The following AFAP1L2 variants were observed in gnomAD, a reference collection of about 807,000 sequenced individuals.
AFAP1L2 encodes actin filament associated protein 1 like 2.
AFAP1L2 carries 46 observed loss-of-function variants against 99.3 expected under a neutral mutation model. That is an observed-to-expected ratio of 0.46 (90% CI 0.37 to 0.59). The LOEUF (loss-of-function observed/expected upper bound fraction) is 0.59, where lower values mean the gene tolerates loss of function less well. AFAP1L2 is among the 20% of genes least tolerant of loss of function. AFAP1L2 has a pLI of 0.00. For missense variants in AFAP1L2, 959 were observed against 1,034.9 expected, an observed-to-expected ratio of 0.93 and a Z score of 1.01; for synonymous variants, 397 against 419.1, an observed-to-expected ratio of 0.95 and a Z score of 0.64.
At position 114,307,930 on chromosome 10, in the gene AFAP1L2, G is replaced by A. The variant is rs751972182; in HGVS notation, c.968-21C>T. The stretch of plus-strand genomic sequence containing the variant: ...CTTGACTGTCAAGATGAGACAGAAA[G>A]CAATTCGTATTGCACGTGGTCCACC... On this transcript the variant is annotated intron_variant, in intron 9 of 18. Coordinates refer to ENST00000304129, the MANE Select transcript of AFAP1L2 (RefSeq NM_001001936.3). 5.0e-6 allele frequency: 8 copies of A among 1,610,160 alleles called. No individual in the cohort carries two copies. In the South Asian group the frequency reaches 8.8e-5, roughly 18 times the overall value.
At chr10:114,305,481 A>T (rs1263331343) in intron 10 of AFAP1L2, among the ~76,000 whole-genome samples, 1 of 107,048 alleles carries the variant, frequency 9.3e-6, no homozygotes, top group African/African-American at 3.8e-5. Flanking sequence ...ACGCAGATGC[A>T]GGAGGGGACG....
intron 1 of AFAP1L2, among the ~76,000 whole-genome samples, chr10:114,345,186 G>C (rs1324349332): frequency 4.1e-5 from 6 of 147,232 alleles, no homozygotes; most frequent in Non-Finnish European, 7.5e-5. Flanking sequence ...AAACCACCCA[G>C]TGGCTCTGTG....
chr10:114,389,945 C>G (rs530536245), intron 1 of AFAP1L2, among the ~76,000 whole-genome samples: 4 of 152,158 alleles, frequency 2.6e-5, no homozygotes, highest in Non-Finnish European at 4.4e-5. Flanking sequence ...AATTCTGCTC[C>G]AAGTCAGAAT....
chr10:114,356,504 T>A (rs2051409985), intron 1 of AFAP1L2, among the ~76,000 whole-genome samples: 1 of 152,232 alleles, frequency 6.6e-6, no homozygotes, highest in Non-Finnish European at 1.5e-5. Flanking sequence ...AAAATTAACT[T>A]CATCTATTTT....
intron 7 of AFAP1L2, among the ~76,000 whole-genome samples, chr10:114,311,109 G>C (rs944919902): frequency 6.6e-6 from 1 of 152,172 alleles, no homozygotes; most frequent in Non-Finnish European, 1.5e-5. Context: ...CTATGGGGCA[G>C]GGGGTCTCAG....
intron 2 of AFAP1L2, among the ~76,000 whole-genome samples, chr10:114,338,027 G>A (rs1319982565): frequency 6.6e-6 from 1 of 152,228 alleles, no homozygotes; most frequent in Non-Finnish European, 1.5e-5. Flanking sequence ...AGCATGGGAA[G>A]CTGCAAAGTC....
intron 1 of AFAP1L2, among the ~76,000 whole-genome samples, chr10:114,403,227 G>T (rs935662464): frequency 6.6e-6 from 1 of 152,180 alleles, no homozygotes; most frequent in African/African-American, 2.4e-5. Context: ...CCTGCTGTCG[G>T]CAAAGACCCT....
intron 1 of AFAP1L2, among the ~76,000 whole-genome samples, chr10:114,347,570 G>C (rs942626649): frequency 1.3e-5 from 2 of 152,046 alleles, no homozygotes; most frequent in Non-Finnish European, 2.9e-5. Context: ...TGACCTCCCA[G>C]ACTCAAGTGA....
Position 114,297,221 on chromosome 10 carries a change from C to T in AFAP1L2, c.2306G>A (p.Arg769His), listed in dbSNP as rs568467458. 1.4e-4 allele frequency: 221 copies of T among 1,613,484 alleles called. No homozygotes were observed. The highest frequency in any genetic ancestry group is 1.0e-3 in the South Asian group (94 of 91,018). Reference protein sequence around the residue: ...DTTHLENVSPRPKAVTPASAP... With the variant: ...DTTHLENVSPHPKAVTPASAP... ...AGAGGCCGCAGTTCCAGCACTCACGCGGGGGCTCACATTCTCCAGGTGGGT... is the reference window on the plus strand; with the variant it reads ...AGAGGCCGCAGTTCCAGCACTCACGTGGGGGCTCACATTCTCCAGGTGGGT... The change falls in exon 17 of 19, where the codon CGC becomes CAC. Residue 769 changes from arginine (R) to histidine (H), a missense_variant and splice_region_variant. Coordinates refer to ENST00000304129, the MANE Select transcript of AFAP1L2 (RefSeq NM_001001936.3).
intron 1 of AFAP1L2, among the ~76,000 whole-genome samples, chr10:114,342,313 C>A (rs1015156634): frequency 6.6e-6 from 1 of 152,186 alleles, no homozygotes; most frequent in Non-Finnish European, 1.5e-5. Context: ...ACTAGCTATC[C>A]GCTGTAACAC....
intron 1 of AFAP1L2, among the ~76,000 whole-genome samples, chr10:114,380,013 C>T (rs1346818256): frequency 6.6e-6 from 1 of 152,230 alleles, no homozygotes; most frequent in Non-Finnish European, 1.5e-5. Flanking sequence ...CAAACTCCAT[C>T]CCTTCCAGGG....
chr10:114,403,871 GGGGAGCAAAGAA>G (rs2058464194), intron 1 of AFAP1L2, among the ~76,000 whole-genome samples: 1 of 152,328 alleles, frequency 6.6e-6, no homozygotes, highest in East Asian at 1.9e-4. Flanking sequence ...TCTTGGTGTG[GGGGAGCAAAGAA>G]GGGCTTGGAG....
chr10:114,310,345 G>T lies in AFAP1L2; in HGVS notation c.882+9C>A, dbSNP rs2043038593. 8 of 1,610,824 alleles carry T rather than the reference G, an allele frequency of 5.0e-6. No homozygotes were observed. The highest frequency in any genetic ancestry group is 6.8e-6 in the Non-Finnish European group (8 of 1,178,838). ...GGGGACTCTCCCTCCAGGCAGGGCA[G>T]AGGCTTACTTTCTGGCAGTTAAAGC... On this transcript the variant is annotated intron_variant, in intron 8 of 18. Coordinates refer to ENST00000304129, the MANE Select transcript of AFAP1L2 (RefSeq NM_001001936.3).
intron 1 of AFAP1L2, among the ~76,000 whole-genome samples, chr10:114,350,600 A>C (rs1013284875): frequency 6.6e-6 from 1 of 152,204 alleles, no homozygotes; most frequent in Non-Finnish European, 1.5e-5. Context: ...AAGGGCTCAC[A>C]AGTCCCATCT....
chr10:114,307,717 C>T, intron 10 of AFAP1L2, 88 bp downstream of exon 10: 1 of 1,115,180 alleles, frequency 9.0e-7, no homozygotes, highest in Non-Finnish European at 1.4e-6. Context: ...GACCTAAAAC[C>T]CCCTGCCTTC....
downstream of AFAP1L2, chr10:114,289,996 A>G: frequency 3.8e-6 from 1 of 264,272 alleles, no homozygotes; most frequent in South Asian, 8.1e-5. Flanking sequence ...CTGCCTCAAA[A>G]AAAAAAAAAA....
intron 6 of AFAP1L2, among the ~76,000 whole-genome samples, chr10:114,314,723 T>C (rs1313115754): frequency 6.6e-6 from 1 of 152,040 alleles, no homozygotes; most frequent in African/African-American, 2.4e-5. Flanking sequence ...TAATTTAAAA[T>C]AGCAGGAAAC....
At chr10:114,345,869 T>C (rs945120636) in intron 1 of AFAP1L2, among the ~76,000 whole-genome samples, 6 of 147,212 alleles carry the variant, frequency 4.1e-5, no homozygotes, top group Admixed American at 3.3e-4. Flanking sequence ...CACTGGGTGG[T>C]GGAGATGCGG....
intron 4 of AFAP1L2, among the ~76,000 whole-genome samples, chr10:114,323,465 G>A (rs1590162417): frequency 6.6e-6 from 1 of 152,192 alleles, no homozygotes; most frequent in South Asian, 2.1e-4. Flanking sequence ...CGGAAGGGCT[G>A]TGGGCACGTT....
Sources: allele counts gnomAD v4.1 joint callset (sites outside exome capture counted in the v4.1 genomes callset), GRCh38; gene constraint gnomAD v4.1.1; transcripts MANE v1.5; gene names NCBI Gene and HGNC (gene_info 2026-07-23, HGNC 2026-07-21).